The following SLC35E2B variants were observed in gnomAD, a reference collection of about 807,000 sequenced individuals.
SLC35E2B encodes the protein solute carrier family 35, member E2B.
A neutral mutation model predicts 32.4 loss-of-function variants in SLC35E2B; 18 were observed. That is an observed-to-expected ratio of 0.56 (90% CI 0.38 to 0.82). The LOEUF (loss-of-function observed/expected upper bound fraction) is 0.82. SLC35E2B is among the 40% of genes least tolerant of loss of function. The pLI, the probability that SLC35E2B is intolerant of heterozygous loss-of-function variation, is 0.00. For synonymous variants in SLC35E2B, 132 were observed against 209.1 expected (o/e 0.63, Z 3.18); for missense variants, 263 against 469.5 (o/e 0.56, Z 4.06).
intron 2 of SLC35E2B, among the ~76,000 whole-genome samples, chr1:1,678,966 C>T (rs74336248): frequency 4.7e-4 from 72 of 152,248 alleles, no homozygotes; most frequent in Middle Eastern, 6.8e-3. Flanking sequence ...ACAGAGCACT[C>T]GCGACAGGGC....
In SLC35E2B at chr1:1,679,607, ACC is replaced by A. The variant is rs1164559976; in HGVS notation, c.-147-2763_-147-2762del. Among the ~76,000 whole-genome samples, 446 of 150,056 alleles carry A rather than the reference ACC, an allele frequency of 3.0e-3. 3 individuals are homozygous for A. The highest frequency in any genetic ancestry group is 0.021 in the Middle Eastern group (6 of 284). Reference sequence around the variant, plus strand: ...TTTGGGAGGCCAAGGTGGGCGGATCACCTGAGCTCAGGAGTTCATGACCAGCC... The same window carrying A: ...TTTGGGAGGCCAAGGTGGGCGGATCATGAGCTCAGGAGTTCATGACCAGCC... On this transcript the variant is annotated intron_variant, in intron 2 of 9. Coordinates refer to ENST00000617444, the MANE Select transcript of SLC35E2B (RefSeq NM_001290264.2).
chr1:1,673,692 G>A (rs1292439532), intron 5 of SLC35E2B, among the ~76,000 whole-genome samples: 1 of 149,716 alleles, frequency 6.7e-6, no homozygotes, highest in Non-Finnish European at 1.5e-5. Flanking sequence ...GCCGGCTGTG[G>A]TGGCTAACAC....
intron 2 of SLC35E2B, among the ~76,000 whole-genome samples, chr1:1,678,938 G>A (rs1329159751): frequency 6.6e-6 from 1 of 152,146 alleles, no homozygotes; most frequent in Admixed American, 6.5e-5. Flanking sequence ...ACAACAAAGG[G>A]TGCGGCAGAG....
chr1:1,668,151 C>T (rs1643591018), intron 9 of SLC35E2B, among the ~76,000 whole-genome samples, 176 bp downstream of exon 9: 1 of 152,022 alleles, frequency 6.6e-6, no homozygotes, highest in African/African-American at 2.4e-5. Context: ...TGGGCCCGGC[C>T]TATCGTTTGC....
Position 1,665,964 on chromosome 1 carries a change from C to G in SLC35E2B, c.1036G>C (p.Gly346Arg). The G allele has an allele frequency of 1.3e-6, 2 of 1,551,542 alleles. No individual in the cohort carries two copies. The highest frequency in any genetic ancestry group is 1.4e-5 in the African/African-American group (1 of 73,156). The change falls in exon 10 of 10, where the codon GGC (glycine) becomes CGC (arginine). Residue 346 changes from glycine to arginine, a missense_variant. Coordinates refer to ENST00000617444, the MANE Select transcript of SLC35E2B (RefSeq NM_001290264.2). ...LSIWLSVIVF[G>R]NKITSLSAVG... ...GCCGACAAGCTGGTGATCTTGTTGC[C>G]GAAAACGATTACGCTGAGCCAGATG...
Position 1,664,894 on chromosome 1 carries a change from C to A in SLC35E2B, c.*888G>T. ...GGCTCTGAGGGAGGACAGACAGGCT[C>A]ACCCCACGGGGACCTCAGAACAGCC... On this transcript the variant is annotated 3_prime_UTR_variant, in exon 10 of 10. Transcript: ENST00000617444. 1 of 936,370 alleles carries A rather than the reference C, an allele frequency of 1.1e-6. No individual in the cohort carries two copies. The highest frequency in any genetic ancestry group is 1.3e-6 in the Non-Finnish European group (1 of 788,486). 58.0% of individuals were successfully genotyped at this position (936,370 alleles called of 1,614,324 possible). A position where few individuals can be genotyped will look rare whatever the true frequency, so the allele number is the denominator to read the frequency against.
chr1:1,685,937 T>C, intron 2 of SLC35E2B, among the ~76,000 whole-genome samples: 1 of 152,182 alleles, frequency 6.6e-6, no homozygotes, highest in South Asian at 2.1e-4. Context: ...GTTCAAGTGA[T>C]TCTCCTGCCT....
At position 1,663,101 on chromosome 1, in the gene SLC35E2B, A is replaced by G. The variant is rs905813927; in HGVS notation, c.*2681T>C. The G allele has an allele frequency of 6.6e-5, 63 of 959,974 alleles. 1 individual carries two copies. The highest frequency in any genetic ancestry group is 7.6e-5 in the Non-Finnish European group (61 of 807,584). The allele number at this position is 959,974 out of a possible 1,614,324, so 59.5% of individuals were successfully genotyped here. ...GGACAGCACGACTGAGCAAGGGCAC[A>G]GTGCTGGCTGCCTCATGGGCTCCAG... is the stretch of plus-strand genomic sequence containing the variant. On this transcript the variant is annotated 3_prime_UTR_variant, in exon 10 of 10. Transcript: ENST00000617444.
intron 2 of SLC35E2B, among the ~76,000 whole-genome samples, chr1:1,684,618 C>T (rs1359228702): frequency 2.6e-5 from 4 of 151,814 alleles, no homozygotes; most frequent in African/African-American, 4.8e-5. Context: ...GGTGAAACCC[C>T]GTCTCCACTA....
At position 1,669,695 on chromosome 1, in the gene SLC35E2B, G is replaced by A. The variant is rs1300588173; in HGVS notation, c.803C>T (p.Ala268Val). 6 of 1,534,354 alleles carry A rather than the reference G, an allele frequency of 3.9e-6. No individual in the cohort carries two copies. Among genetic ancestry groups the A allele is most frequent in the Admixed American group, 3.9e-5 (2 of 50,700 alleles). The change falls in exon 8 of 10, where the codon GCC becomes GTC. Residue 268 changes from alanine to valine, a missense_variant. Around this residue, in one of 7 missense-constraint regions of SLC35E2B, gnomAD observed 129 missense variants for 164.5 expected, o/e 0.78. Transcript: ENST00000617444. ...GAAAACCCGGGCCGGGACGAGCATG[G>A]CCACCGCAGCGGCGCTGGTGTAGAA... Reference protein sequence around the residue: ...LQFYTSAAAVAMLVPARVFFT... With the variant: ...LQFYTSAAAVVMLVPARVFFT...
intron 7 of SLC35E2B, 180 bp downstream of exon 7, chr1:1,669,918 G>A (rs1643642596): frequency 1.2e-6 from 1 of 851,048 alleles, no homozygotes; most frequent in Non-Finnish European, 1.9e-6. Context: ...CTGGCTGAGG[G>A]GCTCAAGGGA....
In SLC35E2B at chr1:1,665,066, C is replaced by G. The variant is rs1643506477; in HGVS notation, c.*716G>C. On this transcript the variant is annotated 3_prime_UTR_variant, in exon 10 of 10. Transcript: ENST00000617444. ...CTGGGGTTGCGGGGAGCTCACGCAG[C>G]CCAGGGTGTGGAAGGGATAGGAGGG... is the stretch of plus-strand genomic sequence containing the variant. 1.6e-6 allele frequency: 1 copy of G among 627,624 alleles called. No individual in the cohort carries two copies. The highest frequency in any genetic ancestry group is 2.0e-6 in the Non-Finnish European group (1 of 502,722). 38.9% of individuals were successfully genotyped at this position (627,624 alleles called of 1,614,324 possible). A position where few individuals can be genotyped will look rare whatever the true frequency, so the allele number is the denominator to read the frequency against.
At position 1,665,471 on chromosome 1, in the gene SLC35E2B, T is replaced by G. The variant is rs1234436685; in HGVS notation, c.*311A>C. The G allele has an allele frequency of 1.3e-5, 7 of 548,780 alleles. No homozygotes were observed. The highest frequency in any genetic ancestry group is 2.2e-5 in the Non-Finnish European group (7 of 312,590). The allele number at this position is 548,780 out of a possible 1,614,324, so 34.0% of individuals were successfully genotyped here. ...CCCACCTCTGGCTCCCGGTGGACCCTGGGGTGTCGCCCAGAGAGGAAGTGG... is the reference window on the plus strand; with the variant it reads ...CCCACCTCTGGCTCCCGGTGGACCCGGGGGTGTCGCCCAGAGAGGAAGTGG... On this transcript the variant is annotated 3_prime_UTR_variant, in exon 10 of 10. Coordinates refer to ENST00000617444, the MANE Select transcript of SLC35E2B (RefSeq NM_001290264.2).
intron 2 of SLC35E2B, among the ~76,000 whole-genome samples, chr1:1,678,897 A>C (rs1347986466): frequency 6.6e-6 from 1 of 152,090 alleles, no homozygotes; most frequent in African/African-American, 2.4e-5. Flanking sequence ...GGGGTGGAGC[A>C]GCTACCTGGC....
chr1:1,692,632 A>T lies in SLC35E2B; in HGVS notation c.-749T>A, dbSNP rs1644029639. 1.0e-6 allele frequency: 1 copy of T among 982,982 alleles called. No individual in the cohort carries two copies. Among genetic ancestry groups the T allele is most frequent in the Non-Finnish European group, 1.2e-6 (1 of 828,240 alleles). 60.9% of individuals were successfully genotyped at this position (982,982 alleles called of 1,614,324 possible). On this transcript the variant is annotated 5_prime_UTR_variant, in exon 1 of 10. Coordinates refer to ENST00000617444, the MANE Select transcript of SLC35E2B (RefSeq NM_001290264.2). Reference sequence around the variant, plus strand: ...GCGCTGGCGGATCCAGGTGGGCTTCACGGGGCGCCCGCGGGACCGGAAATG... The same window carrying T: ...GCGCTGGCGGATCCAGGTGGGCTTCTCGGGGCGCCCGCGGGACCGGAAATG...
At chr1:1,667,370 G>A (rs1312522195) in intron 9 of SLC35E2B, among the ~76,000 whole-genome samples, 9 of 152,076 alleles carry the variant, frequency 5.9e-5, no homozygotes, top group East Asian at 3.9e-4. Flanking sequence ...CCGAGACTGC[G>A]ATACTGAACT....
In SLC35E2B at chr1:1,665,835, G is replaced by C. The variant is rs1317701626; in HGVS notation, c.1165C>G (p.Pro389Ala). The change falls in exon 10 of 10, where the codon CCA becomes GCA. Residue 389 changes from proline to alanine, a missense_variant. Transcript: ENST00000617444. ...QSLAAATGRA[P>A]DDTVEPLLPQ... ...AGCAGCGGCTCCACTGTGTCGTCTG[G>C]GGCCCGGCCAGTGGCTGCAGCCAGG... 1 of 1,551,002 alleles carries C rather than the reference G, an allele frequency of 6.4e-7. No homozygotes were observed. Among genetic ancestry groups the C allele is most frequent in the Non-Finnish European group, 8.7e-7 (1 of 1,146,980 alleles).
chr1:1,680,991 C>T (rs1485293428), intron 2 of SLC35E2B, among the ~76,000 whole-genome samples: 2 of 149,858 alleles, frequency 1.3e-5, no homozygotes, highest in Non-Finnish European at 3.0e-5. Flanking sequence ...ACACTGGGAG[C>T]TCCACGTCAG....
chr1:1,690,280 C>CAAAAAAA (rs751562734), intron 2 of SLC35E2B, among the ~76,000 whole-genome samples: 2 of 52,032 alleles, frequency 3.8e-5, no homozygotes, highest in African/African-American at 1.4e-4. Context: ...AACTCTGTCT[C>CAAAAAAA]AAAAAAAAAA....
Sources: gnomAD v4.1 joint callset for allele counts (sites outside exome capture counted in the v4.1 genomes callset) on GRCh38, gnomAD v4.1.1 for gene constraint, gnomAD v4.1.1 regional missense constraint, MANE v1.5 for transcripts, NCBI Gene and HGNC (gene_info 2026-07-23, HGNC 2026-07-21) for gene names.